Variants in FAM13A observed in about 807,000 individuals in gnomAD.
The protein encoded by FAM13A is family with sequence similarity 13 member A, also known as protein FAM13A.
FAM13A carries 76 observed loss-of-function variants against 129.6 expected under a neutral mutation model. The observed-to-expected ratio is 0.59, with a 90% CI of 0.49 to 0.71. FAM13A has a LOEUF of 0.71. Among genes scored for constraint, FAM13A ranks in the 30% least tolerant of loss-of-function variants. The probability of loss-of-function intolerance (pLI) is 0.00; values close to 1 mark genes in which losing one functional copy is unlikely to be tolerated. For synonymous variants in FAM13A, 443 were observed against 449.9 expected (o/e 0.98, Z 0.20); for missense variants, 1,108 against 1,249.3 (o/e 0.89, Z 1.70).
intron 6 of FAM13A, among the ~76,000 whole-genome samples, chr4:88,899,479 T>C (rs1281943117): frequency 6.6e-6 from 1 of 151,700 alleles, no homozygotes; most frequent in Non-Finnish European, 1.5e-5. Context: ...TAAAAACTTA[T>C]GGAAAGAAAA....
Position 88,853,799 on chromosome 4 carries a change from C to T in FAM13A, c.844-2616G>A, listed in dbSNP as rs144307684. Reference sequence around the variant, plus strand: ...TAGGTCGACACCATCTAGTCAGCTGCCAGCTCAGCTAGGATAAAAGCAGGC... The same window carrying T: ...TAGGTCGACACCATCTAGTCAGCTGTCAGCTCAGCTAGGATAAAAGCAGGC... On this transcript the variant is annotated intron_variant, in intron 6 of 23. Coordinates refer to ENST00000264344, the MANE Select transcript of FAM13A (RefSeq NM_014883.4). Among the ~76,000 whole-genome samples the T allele has an allele frequency of 3.7e-3, 564 of 152,300 alleles. 6 individuals are homozygous for T. The highest frequency in any genetic ancestry group is 0.013 in the African/African-American group (544 of 41,570).
chr4:88,803,118 T>C (rs1727845438), intron 8 of FAM13A, among the ~76,000 whole-genome samples: 1 of 152,158 alleles, frequency 6.6e-6, no homozygotes, highest in Non-Finnish European at 1.5e-5. Flanking sequence ...TTCCGGTGAG[T>C]AACCCTCTCA....
At position 89,011,367 on chromosome 4, in the gene FAM13A, C is replaced by T. The variant is rs192630261; in HGVS notation, c.427+9093G>A. Among the ~76,000 whole-genome samples, 88 of 152,172 alleles carry T rather than the reference C, an allele frequency of 5.8e-4. No homozygotes were observed. The South Asian group carries it at 5.8e-3, about 10-fold the overall frequency. ...GGTTAAAATGGTAAATGCTATGTTA[C>T]GTATATATTTACAACAATTTAAAAA... On this transcript the variant is annotated intron_variant, in intron 3 of 23. Transcript: ENST00000264344.
intron 1 of FAM13A, among the ~76,000 whole-genome samples, chr4:89,036,405 G>A (rs1244859325): frequency 6.6e-6 from 1 of 152,180 alleles, no homozygotes; most frequent in Non-Finnish European, 1.5e-5. Flanking sequence ...CTCGAGATTT[G>A]ACCTGGCTGC....
intron 1 of FAM13A, among the ~76,000 whole-genome samples, chr4:89,030,772 T>C (rs1768576814): frequency 6.6e-6 from 1 of 152,176 alleles, no homozygotes; most frequent in Admixed American, 6.5e-5. Flanking sequence ...ATTAATGTTA[T>C]AGTGCAGTTT....
At chr4:88,742,022 C>G (rs1019900866) in intron 19 of FAM13A, among the ~76,000 whole-genome samples, 2 of 152,128 alleles carry the variant, frequency 1.3e-5, no homozygotes, top group Non-Finnish European at 2.9e-5. Flanking sequence ...TAAAGTGCAT[C>G]CTAATGTCAG....
chr4:88,767,562 C>T lies in FAM13A; in HGVS notation c.1569G>A (p.Gln523=), dbSNP rs761796668. The change falls in exon 13 of 24, where the codon CAG becomes CAA. Residue 523 remains glutamine, a synonymous_variant. Coordinates refer to ENST00000264344, the MANE Select transcript of FAM13A (RefSeq NM_014883.4). ...CTTGTTAGCTACTCACCTCAAAATG[C>T]TGAGTGTGTCCACCATCTTTTTCAT... is the stretch of plus-strand genomic sequence containing the variant. ...KGNEKDGGHT[Q]HFESPTMKIQ... 6.2e-7 allele frequency: 1 copy of T among 1,602,742 alleles called. No homozygotes were observed. The highest frequency in any genetic ancestry group is 1.8e-5 in the Admixed American group (1 of 56,470).
chr4:88,795,708 A>C (rs997537829), intron 8 of FAM13A, among the ~76,000 whole-genome samples: 2 of 151,796 alleles, frequency 1.3e-5, no homozygotes, highest in African/African-American at 4.8e-5. Flanking sequence ...CTATTTACAT[A>C]AATTGTTGGC....
intron 20 of FAM13A, among the ~76,000 whole-genome samples, chr4:88,738,028 C>T (rs112316784): frequency 6.6e-6 from 1 of 152,112 alleles, no homozygotes; most frequent in Non-Finnish European, 1.5e-5. Context: ...TAGATCTAAT[C>T]GTTTTATTTG....
In FAM13A at chr4:88,826,908, C is replaced by T. The variant is rs144031069; in HGVS notation, c.1008-21856G>A. Among the ~76,000 whole-genome samples, 10 of 152,282 alleles carry T rather than the reference C, an allele frequency of 6.6e-5. No homozygotes were observed. In the East Asian group the frequency reaches 1.7e-3, roughly 26 times the overall value. ...GCTACTTGCTTCTCCTCCCTTCTGA[C>T]AGGCAACCAAGTGAGTGTCCCTCAG... On this transcript the variant is annotated intron_variant, in intron 7 of 23. Transcript: ENST00000264344.
At chr4:88,886,494 A>G (rs760121009) in intron 6 of FAM13A, among the ~76,000 whole-genome samples, 10 of 152,160 alleles carry the variant, frequency 6.6e-5, no homozygotes, top group African/African-American at 2.4e-4. Flanking sequence ...AGGCTGAGGC[A>G]GGAGAATTGC....
At chr4:88,883,996 G>A (rs1438176865) in intron 6 of FAM13A, among the ~76,000 whole-genome samples, 1 of 151,880 alleles carries the variant, frequency 6.6e-6, no homozygotes, top group Non-Finnish European at 1.5e-5. Context: ...TGAATAACAA[G>A]CAGCAAGATT....
intron 7 of FAM13A, among the ~76,000 whole-genome samples, chr4:88,835,672 A>AT (rs1198007134): frequency 6.6e-6 from 1 of 152,026 alleles, no homozygotes; most frequent in Admixed American, 6.6e-5. Context: ...CAGGCATTAG[A>AT]TTCTCACAAG....
chr4:88,946,947 T>G (rs140475002), intron 4 of FAM13A, among the ~76,000 whole-genome samples: 1 of 152,072 alleles, frequency 6.6e-6, no homozygotes, highest in South Asian at 2.1e-4. Flanking sequence ...ATGAAGGACA[T>G]GTTGAAACTG....
intron 7 of FAM13A, among the ~76,000 whole-genome samples, chr4:88,823,820 C>T (rs1442354130): frequency 6.6e-6 from 1 of 152,196 alleles, no homozygotes; most frequent in Non-Finnish European, 1.5e-5. Context: ...CACGTAGCTC[C>T]ACTTCTGGGG....
intron 3 of FAM13A, among the ~76,000 whole-genome samples, chr4:88,998,018 T>TA (rs1350149880): frequency 6.6e-6 from 1 of 152,142 alleles, no homozygotes; most frequent in Non-Finnish European, 1.5e-5. Context: ...AGCAAAGAAA[T>TA]AGAGACTTCA....
chr4:88,737,417 A>G, intron 21 of FAM13A, 55 bp downstream of exon 21: 1 of 1,428,864 alleles, frequency 7.0e-7, no homozygotes, highest in Non-Finnish European at 9.9e-7. Flanking sequence ...AGGGGAGGGG[A>G]GGAGGGAGGG....
chr4:88,774,961 C>G (rs1721389188), intron 11 of FAM13A, among the ~76,000 whole-genome samples: 1 of 152,026 alleles, frequency 6.6e-6, no homozygotes, highest in Admixed American at 6.6e-5. Context: ...CTGGGGTGAA[C>G]TGCAGACAGA....
In FAM13A at chr4:88,938,217, C is replaced by T. The variant is rs761005872; in HGVS notation, c.630G>A (p.Met210Ile). The T allele has an allele frequency of 2.5e-6, 4 of 1,610,704 alleles. No individual in the cohort carries two copies. In the South Asian group the frequency reaches 4.4e-5, roughly 18 times the overall value. Residue 210 changes from methionine (M) to isoleucine (I), a missense_variant, in exon 5 of 24, where the codon ATG becomes ATA. This residue lies in a region of FAM13A where 566 missense variants were observed against 595.7 expected (regional missense o/e 0.95). Transcript: ENST00000264344. Reference sequence around the variant, plus strand: ...TCTTGTTGCACAGGTCCTGTTCCTTCATGCCTTCAAGCCCAGGTGGCACAC... The same window carrying T: ...TCTTGTTGCACAGGTCCTGTTCCTTTATGCCTTCAAGCCCAGGTGGCACAC... Reference protein sequence around the residue: ...CFHVPPGLEGMKEQDLCNKIM... With the variant: ...CFHVPPGLEGIKEQDLCNKIM...
Sources: gnomAD v4.1 joint callset for allele counts (sites outside exome capture counted in the v4.1 genomes callset) on GRCh38, gnomAD v4.1.1 for gene constraint, gnomAD v4.1.1 regional missense constraint, MANE v1.5 for transcripts, NCBI Gene and HGNC (gene_info 2026-07-23, HGNC 2026-07-21) for gene names.